Variants in NEGR1 observed in about 807,000 individuals in gnomAD.
NEGR1 encodes IgLON family member 4.
A neutral mutation model predicts 40.9 loss-of-function variants in NEGR1; 10 were observed. The ratio of observed to expected loss-of-function variants is 0.24; its 90% CI spans 0.15 to 0.42. NEGR1 has a LOEUF of 0.42. NEGR1 is among the 10% of genes least tolerant of loss of function. The pLI is 1.00. For synonymous variants in NEGR1, 185 were observed against 166.8 expected, an observed-to-expected ratio of 1.11 and a Z score of -0.84; for missense variants, 352 against 438.9, an observed-to-expected ratio of 0.80 and a Z score of 1.77.
At chr1:72,207,421 C>A (rs1429672058) in intron 1 of NEGR1, among the ~76,000 whole-genome samples, 1 of 151,648 alleles carries the variant, frequency 6.6e-6, no homozygotes, top group Non-Finnish European at 1.5e-5. Flanking sequence ...AAATGAAAGT[C>A]TTCTTTTTAT....
At chr1:72,099,630 C>T (rs1322409432) in intron 1 of NEGR1, among the ~76,000 whole-genome samples, 6 of 151,940 alleles carry the variant, frequency 3.9e-5, no homozygotes, top group African/African-American at 1.4e-4. Context: ...TTTCTCCTCA[C>T]AGGTCTAATA....
intron 1 of NEGR1, among the ~76,000 whole-genome samples, chr1:72,015,534 A>G (rs1646701684): frequency 6.6e-6 from 1 of 152,212 alleles, no homozygotes; most frequent in African/African-American, 2.4e-5. Context: ...GCCAGGCACC[A>G]TGGCTAAGAC....
intron 1 of NEGR1, among the ~76,000 whole-genome samples, chr1:72,245,329 T>G (rs190933340): frequency 1.6e-3 from 238 of 152,188 alleles, no homozygotes; most frequent in Middle Eastern, 3.4e-3. Flanking sequence ...TCAACTAATA[T>G]CAATTAAAGA....
chr1:71,402,324 G>A lies in NEGR1; in HGVS notation c.*5122C>T, dbSNP rs1646251995. 2 of 152,184 alleles carry A rather than the reference G, an allele frequency of 1.3e-5. No homozygotes were observed. The highest frequency in any genetic ancestry group is 4.8e-5 in the African/African-American group (2 of 41,444). 9.4% of individuals were successfully genotyped at this position (152,184 alleles called of 1,614,324 possible). On this transcript the variant is annotated 3_prime_UTR_variant, in exon 7 of 7. Coordinates refer to ENST00000357731, the MANE Select transcript of NEGR1 (RefSeq NM_173808.3). ...GCTCCATTGTAAAATGCAAAGGAGA[G>A]GTAGTTGTGACCCTTTGGGGAAAAC...
chr1:71,601,158 C>T (rs944106013), intron 5 of NEGR1, among the ~76,000 whole-genome samples: 1 of 152,086 alleles, frequency 6.6e-6, no homozygotes, highest in Non-Finnish European at 1.5e-5. Context: ...CCATTTCTTC[C>T]AACTACTCTA....
intron 4 of NEGR1, among the ~76,000 whole-genome samples, chr1:71,645,339 C>T (rs1474649941): frequency 6.6e-6 from 1 of 151,946 alleles, no homozygotes; most frequent in Non-Finnish European, 1.5e-5. Flanking sequence ...TTAAGAATAA[C>T]AGCTCAATAT....
At chr1:71,984,875 A>G (rs1339492729) in intron 1 of NEGR1, among the ~76,000 whole-genome samples, 1 of 152,178 alleles carries the variant, frequency 6.6e-6, no homozygotes, top group African/African-American at 2.4e-5. Flanking sequence ...AAGAATAATG[A>G]TATAAAATAA....
chr1:72,081,262 C>T (rs1647984439), intron 1 of NEGR1, among the ~76,000 whole-genome samples: 1 of 152,000 alleles, frequency 6.6e-6, no homozygotes, highest in South Asian at 2.1e-4. Flanking sequence ...ATAGGACATG[C>T]CCTCCTCAAG....
chr1:72,118,024 T>A (rs1649647131), intron 1 of NEGR1, among the ~76,000 whole-genome samples: 1 of 151,862 alleles, frequency 6.6e-6, no homozygotes, highest in Non-Finnish European at 1.5e-5. Flanking sequence ...TGGAATTCTC[T>A]TTGGGCAAGA....
chr1:71,636,207 T>G (rs936435326), intron 4 of NEGR1, among the ~76,000 whole-genome samples: 2 of 152,162 alleles, frequency 1.3e-5, no homozygotes, highest in South Asian at 2.1e-4. Context: ...TTGTTGGCCT[T>G]GCCAAAATGG....
intron 3 of NEGR1, among the ~76,000 whole-genome samples, chr1:71,732,908 C>T (rs928692398): frequency 2.6e-5 from 4 of 152,008 alleles, no homozygotes; most frequent in Admixed American, 2.0e-4. Flanking sequence ...AAATGTTTTT[C>T]GATTTTCAAA....
chr1:72,223,052 A>C (rs1339927100), intron 1 of NEGR1, among the ~76,000 whole-genome samples: 1 of 152,138 alleles, frequency 6.6e-6, no homozygotes, highest in Non-Finnish European at 1.5e-5. Context: ...TTCAATTATT[A>C]ATTGTATTTC....
chr1:71,805,115 G>A (rs765451782), intron 2 of NEGR1, among the ~76,000 whole-genome samples: 9 of 152,024 alleles, frequency 5.9e-5, no homozygotes, highest in African/African-American at 9.7e-5. Flanking sequence ...GGAAATTCCC[G>A]CATAATAAAT....
chr1:71,873,205 A>G (rs1466126364), intron 2 of NEGR1, among the ~76,000 whole-genome samples: 2 of 151,350 alleles, frequency 1.3e-5, no homozygotes, highest in Non-Finnish European at 2.9e-5. Flanking sequence ...CTACATGAAT[A>G]ACATTTATAT....
intron 1 of NEGR1, among the ~76,000 whole-genome samples, chr1:71,994,972 A>G (rs1297152584): frequency 6.9e-6 from 1 of 144,098 alleles, no homozygotes; most frequent in Non-Finnish European, 1.5e-5. Context: ...AGCATTAGGG[A>G]GACCTAAATC....
At chr1:71,468,673 G>A (rs1404914968) in intron 6 of NEGR1, 6 of 151,828 alleles carry the variant, frequency 4.0e-5, no homozygotes, top group African/African-American at 1.4e-4. Flanking sequence ...TATGTGGTTG[G>A]CAGCATAAAT....
chr1:71,675,020 G>A (rs1347585771), intron 4 of NEGR1, among the ~76,000 whole-genome samples: 2 of 149,236 alleles, frequency 1.3e-5, no homozygotes, highest in Non-Finnish European at 3.0e-5. Context: ...TATACCAGAT[G>A]TTGTATATAT....
intron 4 of NEGR1, among the ~76,000 whole-genome samples, chr1:71,629,108 T>A (rs1474444464): frequency 6.6e-6 from 1 of 152,256 alleles, no homozygotes; most frequent in South Asian, 2.1e-4. Flanking sequence ...CCATTCTAAC[T>A]GGCATGAAAT....
intron 2 of NEGR1, among the ~76,000 whole-genome samples, chr1:71,894,825 T>C (rs1660921494): frequency 6.6e-6 from 1 of 152,186 alleles, no homozygotes; most frequent in South Asian, 2.1e-4. Flanking sequence ...GGAGGATTGC[T>C]TGAGCCCAGG....
Sources: allele counts gnomAD v4.1 joint callset (sites outside exome capture counted in the v4.1 genomes callset), GRCh38; gene constraint gnomAD v4.1.1; transcripts MANE v1.5; gene names NCBI Gene and HGNC (gene_info 2026-07-23, HGNC 2026-07-21).